Variants in PTPRA observed in about 807,000 individuals in gnomAD.
PTPRA encodes the protein protein tyrosine phosphatase receptor type A, also known as receptor-type tyrosine-protein phosphatase alpha.
A neutral mutation model predicts 104.8 loss-of-function variants in PTPRA; 25 were observed. The ratio of observed to expected loss-of-function variants is 0.24; its 90% CI spans 0.17 to 0.33. The LOEUF (loss-of-function observed/expected upper bound fraction) is 0.33, where lower values mean the gene tolerates loss of function less well. Ranked by LOEUF, PTPRA falls within the 10% of genes least tolerant of loss-of-function variation. PTPRA has a pLI of 1.00. For synonymous variants in PTPRA, 323 were observed against 368.9 expected, an observed-to-expected ratio of 0.88 and a Z score of 1.43; for missense variants, 765 against 1,015.3, an observed-to-expected ratio of 0.75 and a Z score of 3.35.
intron 1 of PTPRA, among the ~76,000 whole-genome samples, chr20:2,911,247 T>C (rs1488768874): frequency 2.6e-5 from 4 of 152,240 alleles, no homozygotes; most frequent in South Asian, 4.1e-4. Context: ...ATGTTTGGCA[T>C]AGGTGTTAAC....
rs968738158 is a variant in PTPRA, at chr20:2,922,011, A to G, written c.-128-1196A>G. ...ATGCTTAGCAGCATCCTAGGCCTCT[A>G]TCCCCTAGATGCCAGTAGCCCAGCC... On this transcript the variant is annotated intron_variant, in intron 1 of 23. Transcript: ENST00000399903. 7.2e-5 allele frequency among the ~76,000 whole-genome samples: 11 copies of G among 152,266 alleles called. No individual in the cohort carries two copies. In the South Asian group the frequency reaches 8.3e-4, roughly 11 times the overall value.
intron 23 of PTPRA, 31 bp from the exon 24 acceptor site, chr20:3,038,028 C>T (rs2065889660): frequency 1.3e-6 from 2 of 1,559,816 alleles, no homozygotes; most frequent in Non-Finnish European, 1.8e-6. Flanking sequence ...CTTCAGTAAC[C>T]CTGACTTTTT....
intron 5 of PTPRA, among the ~76,000 whole-genome samples, chr20:2,969,473 C>T (rs1477613393): frequency 6.6e-6 from 1 of 151,798 alleles, no homozygotes; most frequent in African/African-American, 2.4e-5. Context: ...TCTCGAACTC[C>T]TGACCTCATG....
At chr20:3,030,356 A>C (rs995474401) in intron 20 of PTPRA, among the ~76,000 whole-genome samples, 4 of 152,196 alleles carry the variant, frequency 2.6e-5, no homozygotes, top group Admixed American at 6.5e-5. Context: ...TTCCTAGGCC[A>C]GTGAAGCAGA....
At chr20:2,939,715 A>G (rs1295392674) in intron 2 of PTPRA, among the ~76,000 whole-genome samples, 2 of 152,178 alleles carry the variant, frequency 1.3e-5, no homozygotes, top group Non-Finnish European at 2.9e-5. Context: ...GTCAGTCCTC[A>G]TGTCCCCTGG....
At chr20:2,920,358 A>C (rs908826370) in intron 1 of PTPRA, among the ~76,000 whole-genome samples, 1 of 152,206 alleles carries the variant, frequency 6.6e-6, no homozygotes, top group Non-Finnish European at 1.5e-5. Flanking sequence ...CTGTCTGCAC[A>C]TTGGAATCAC....
At chr20:2,949,434 T>C (rs1462036869) in intron 3 of PTPRA, among the ~76,000 whole-genome samples, 1 of 151,982 alleles carries the variant, frequency 6.6e-6, no homozygotes, top group Non-Finnish European at 1.5e-5. Context: ...TCCTTTCTAA[T>C]TGTTATAATT....
chr20:2,895,353 G>A (rs2058957872), intron 1 of PTPRA, among the ~76,000 whole-genome samples: 3 of 151,900 alleles, frequency 2.0e-5, no homozygotes, highest in African/African-American at 4.8e-5. Context: ...ATAAGTGCTG[G>A]GATTACAGGT....
At chr20:2,875,388 A>G (rs1407725582) in intron 1 of PTPRA, among the ~76,000 whole-genome samples, 1 of 152,074 alleles carries the variant, frequency 6.6e-6, no homozygotes, top group African/African-American at 2.4e-5. Flanking sequence ...GATACCGTGC[A>G]TTGTAAGGCA....
intron 3 of PTPRA, among the ~76,000 whole-genome samples, chr20:2,962,803 T>C (rs1366338743): frequency 6.6e-6 from 1 of 152,192 alleles, no homozygotes; most frequent in Non-Finnish European, 1.5e-5. Context: ...ATTTCCCTGC[T>C]AGGCACGGCT....
intron 5 of PTPRA, among the ~76,000 whole-genome samples, chr20:2,969,081 A>G (rs1410943421): frequency 6.6e-6 from 1 of 151,884 alleles, no homozygotes; most frequent in Non-Finnish European, 1.5e-5. Context: ...ACGTGTTGGC[A>G]TATACTTGTA....
At chr20:2,918,974 A>G (rs1358462506) in intron 1 of PTPRA, among the ~76,000 whole-genome samples, 9 of 152,224 alleles carry the variant, frequency 5.9e-5, no homozygotes, top group Admixed American at 5.9e-4. Context: ...AGGTAACCTT[A>G]AATAATGTGC....
chr20:2,882,864 T>A (rs1036443903), intron 1 of PTPRA, among the ~76,000 whole-genome samples: 3 of 152,168 alleles, frequency 2.0e-5, no homozygotes, highest in Non-Finnish European at 4.4e-5. Context: ...GTAGAGTTGT[T>A]GATGAGTTTT....
chr20:2,918,783 GGCTTTGTTTA>G (rs1783828769), intron 1 of PTPRA, among the ~76,000 whole-genome samples: 1 of 152,126 alleles, frequency 6.6e-6, no homozygotes, highest in African/African-American at 2.4e-5. Flanking sequence ...ATGAATTATA[GGCTTTGTTTA>G]GCTAGTGGGT....
chr20:3,012,244 T>A (rs1184798900), intron 11 of PTPRA, among the ~76,000 whole-genome samples: 1 of 152,178 alleles, frequency 6.6e-6, no homozygotes, highest in African/African-American at 2.4e-5. Context: ...TACATATTGA[T>A]CACTGGGGCT....
chr20:3,007,229 T>G (rs562896576), intron 10 of PTPRA, 115 bp from the exon 11 acceptor site: 1 of 970,216 alleles, frequency 1.0e-6, no homozygotes, highest in South Asian at 1.6e-5. Context: ...GTGGCATCTT[T>G]ATACAAGCGT....
chr20:2,872,409 C>T (rs775517368), upstream of PTPRA, among the ~76,000 whole-genome samples: 12 of 152,222 alleles, frequency 7.9e-5, no homozygotes, highest in Non-Finnish European at 1.8e-4. This position sits in a 1 kb window ranked among gnomAD's most constrained non-coding sequence, Gnocchi z 7.9. Flanking sequence ...ACCCCGGGAA[C>T]CGCAGACTCT....
intron 9 of PTPRA, among the ~76,000 whole-genome samples, chr20:2,995,319 TGTTGC>T (rs2063355541): frequency 6.6e-6 from 1 of 152,204 alleles, no homozygotes; most frequent in Admixed American, 6.5e-5. Flanking sequence ...GGTCTTGTTG[TGTTGC>T]CCAGGCTGGT....
At chr20:3,024,022 G>T (rs2065014780) in intron 16 of PTPRA, among the ~76,000 whole-genome samples, 1 of 152,216 alleles carries the variant, frequency 6.6e-6, no homozygotes. Context: ...TAGGGAACAG[G>T]CAGCTGAAAG....
Sources: allele counts gnomAD v4.1 joint callset (sites outside exome capture counted in the v4.1 genomes callset), GRCh38; gene constraint gnomAD v4.1.1; non-coding constraint Gnocchi (gnomAD v3.1); transcripts MANE v1.5; gene names NCBI Gene and HGNC (gene_info 2026-07-23, HGNC 2026-07-21).